The following STK3 variants were observed in gnomAD, a reference collection of about 807,000 sequenced individuals.
STK3 encodes serine/threonine-protein kinase 3.
In STK3, 41 loss-of-function variants were observed where a neutral mutation model predicts 58.0. That is an observed-to-expected ratio of 0.71 (90% CI 0.55 to 0.92). STK3 has a LOEUF of 0.92. Ranked by LOEUF, STK3 falls within the 40% of genes least tolerant of loss-of-function variation. The pLI is 0.00. For missense variants in STK3, 479 were observed against 602.7 expected, an observed-to-expected ratio of 0.79 and a Z score of 2.15; for synonymous variants, 170 against 191.0, an observed-to-expected ratio of 0.89 and a Z score of 0.91.
intron 4 of STK3, among the ~76,000 whole-genome samples, chr8:98,734,899 C>A (rs1022190203): frequency 6.6e-6 from 1 of 150,812 alleles, no homozygotes; most frequent in Non-Finnish European, 1.5e-5. Flanking sequence ...TCACAGAAGG[C>A]CTATGGTTAA....
In STK3 at chr8:98,418,908, CA is replaced by C. The variant is rs1818141850; in HGVS notation, n.483+15218del. 2.0e-5 allele frequency among the ~76,000 whole-genome samples: 3 copies of C among 152,242 alleles called. No homozygotes were observed. The South Asian group carries it at 6.2e-4, about 31-fold the overall frequency. On this transcript the variant is annotated intron_variant and non_coding_transcript_variant, in intron 3 of 3. Coordinates refer to the STK3 transcript ENST00000517832. ...GCCACAACCTGCAGACAAAGACATG[CA>C]GTCAGTGCATTTAGAGCAGTAGCTT...
At chr8:98,561,368 C>T (rs1812023872) in intron 8 of STK3, among the ~76,000 whole-genome samples, 1 of 150,220 alleles carries the variant, frequency 6.7e-6, no homozygotes, top group African/African-American at 2.4e-5. Context: ...CAAAATGCTT[C>T]AAAGACCCAT....
At chr8:98,517,509 T>C (rs1298635070) in intron 10 of STK3, among the ~76,000 whole-genome samples, 1 of 152,026 alleles carries the variant, frequency 6.6e-6, no homozygotes, top group East Asian at 1.9e-4. Flanking sequence ...CTGTGGAAGA[T>C]AGACATGAGA....
intron 6 of STK3, among the ~76,000 whole-genome samples, chr8:98,649,933 C>T (rs1820745373): frequency 6.6e-6 from 1 of 152,162 alleles, no homozygotes; most frequent in South Asian, 2.1e-4. Context: ...TTTCTTCCTA[C>T]AGAAGTGTAC....
At chr8:98,833,074 G>A (rs1465154899) in intron 3 of STK3, among the ~76,000 whole-genome samples, 2 of 152,316 alleles carry the variant, frequency 1.3e-5, no homozygotes, top group East Asian at 1.9e-4. Context: ...AGGAGGTCCT[G>A]AGAATACGTG....
upstream of STK3, among the ~76,000 whole-genome samples, chr8:98,828,760 G>T (rs554449805): frequency 3.9e-5 from 6 of 152,326 alleles, no homozygotes; most frequent in South Asian, 2.1e-4. Flanking sequence ...CATTTAAGTT[G>T]TGATAGAGAT....
chr8:98,819,711 A>G (rs1834767669), intron 1 of STK3, among the ~76,000 whole-genome samples: 1 of 152,162 alleles, frequency 6.6e-6, no homozygotes, highest in African/African-American at 2.4e-5. Flanking sequence ...AAGAGTTCTT[A>G]GAGTTCATCT....
chr8:98,837,800 C>T (rs1317277927), intron 3 of STK3, among the ~76,000 whole-genome samples: 1 of 152,146 alleles, frequency 6.6e-6, no homozygotes, highest in African/African-American at 2.4e-5. Flanking sequence ...GGCATGGTGG[C>T]ACACACCTGT....
chr8:98,424,148 C>T (rs186185468), intron 3 of STK3, among the ~76,000 whole-genome samples: 1 of 152,410 alleles, frequency 6.6e-6, no homozygotes, highest in Non-Finnish European at 1.5e-5. Context: ...CTGCCTGTCA[C>T]ATACACTTAA....
intron 6 of STK3, among the ~76,000 whole-genome samples, chr8:98,695,608 T>C (rs1587325930): frequency 1.3e-5 from 2 of 152,358 alleles, no homozygotes; most frequent in South Asian, 2.1e-4. Flanking sequence ...TAGGGAATCC[T>C]TTCCCCATTG....
At chr8:98,367,205 A>G (rs905262117), downstream of STK3, among the ~76,000 whole-genome samples, 3 of 152,236 alleles carry the variant, frequency 2.0e-5, no homozygotes, top group Non-Finnish European at 4.4e-5. Context: ...TGCCTAGCCC[A>G]TAGTAAGTAT....
At chr8:98,804,270 G>A (rs879444604) in intron 1 of STK3, among the ~76,000 whole-genome samples, 2 of 152,240 alleles carry the variant, frequency 1.3e-5, no homozygotes, top group Admixed American at 6.5e-5. Flanking sequence ...CCAAAGTGCT[G>A]GGATTACAGG....
At chr8:98,654,593 T>C (rs1234145929) in intron 6 of STK3, among the ~76,000 whole-genome samples, 1 of 152,208 alleles carries the variant, frequency 6.6e-6, no homozygotes, top group Non-Finnish European at 1.5e-5. Flanking sequence ...CCCCATTGTG[T>C]TAGCCCAAAA....
At chr8:98,429,839 T>C (rs980708437) in intron 3 of STK3, 1 of 176,010 alleles carries the variant, frequency 5.7e-6, no homozygotes, top group African/African-American at 2.4e-5. Flanking sequence ...GAAATGCATC[T>C]ATGAGGTCAG....
At chr8:98,841,702 A>G (rs1238951046) in intron 3 of STK3, among the ~76,000 whole-genome samples, 7 of 149,192 alleles carry the variant, frequency 4.7e-5, no homozygotes, top group East Asian at 1.9e-4. Flanking sequence ...AAAAAAAAAA[A>G]TTTAAAAATG....
intron 2 of STK3, among the ~76,000 whole-genome samples, chr8:98,378,738 C>T (rs1294604697): frequency 6.6e-6 from 1 of 152,108 alleles, no homozygotes; most frequent in Non-Finnish European, 1.5e-5. Context: ...TGGCTGCTTT[C>T]ATATTGGAAG....
intron 3 of STK3, among the ~76,000 whole-genome samples, chr8:98,753,858 C>CT (rs1368365728): frequency 6.6e-6 from 1 of 152,156 alleles, no homozygotes; most frequent in Non-Finnish European, 1.5e-5. Flanking sequence ...CACAGACTTG[C>CT]TCCCCACTGG....
At chr8:98,542,763 C>T (rs1185679191) in intron 9 of STK3, among the ~76,000 whole-genome samples, 1 of 152,172 alleles carries the variant, frequency 6.6e-6, no homozygotes, top group Non-Finnish European at 1.5e-5. Context: ...ATTTAAAACA[C>T]TGCTAGGCAT....
intron 1 of STK3, among the ~76,000 whole-genome samples, chr8:98,895,323 A>G (rs983664689): frequency 6.6e-6 from 1 of 152,152 alleles, no homozygotes; most frequent in Non-Finnish European, 1.5e-5. Flanking sequence ...CTGGTCCTCA[A>G]ACCACACACT....
Sources: gnomAD v4.1 joint callset for allele counts (sites outside exome capture counted in the v4.1 genomes callset) on GRCh38, gnomAD v4.1.1 for gene constraint, MANE v1.5 for transcripts, NCBI Gene and HGNC (gene_info 2026-07-23, HGNC 2026-07-21) for gene names.